KLHL8: variants seen among roughly 807,000 people sequenced by gnomAD.
KLHL8 encodes kelch like family member 8, also known as kelch-like protein 8.
KLHL8 carries 38 observed loss-of-function variants against 63.5 expected under a neutral mutation model. The ratio of observed to expected loss-of-function variants is 0.60; its 90% CI spans 0.46 to 0.78. The LOEUF (loss-of-function observed/expected upper bound fraction) is 0.78, where lower values mean the gene tolerates loss of function less well. Ranked by LOEUF, KLHL8 falls within the 30% of genes least tolerant of loss-of-function variation. The pLI is 0.00. For synonymous variants in KLHL8, 224 were observed against 254.3 expected (o/e 0.88, Z 1.13); for missense variants, 566 against 752.4 (o/e 0.75, Z 2.90).
chr4:87,190,084 GTAT>G (rs1731423681), intron 2 of KLHL8, among the ~76,000 whole-genome samples: 1 of 148,014 alleles, frequency 6.8e-6, no homozygotes, highest in South Asian at 2.2e-4. Flanking sequence ...TTTTATCTTA[GTAT>G]TATTAACCAT....
intron 4 of KLHL8, 82 bp from the exon 5 acceptor site, chr4:87,178,702 CA>C: frequency 7.5e-7 from 1 of 1,330,568 alleles, no homozygotes; most frequent in Non-Finnish European, 1.0e-6. Context: ...TGGATAAAAG[CA>C]AAAAGACAAA....
intron 6 of KLHL8, among the ~76,000 whole-genome samples, chr4:87,174,808 A>C (rs1730763414): frequency 6.6e-6 from 1 of 152,198 alleles, no homozygotes; most frequent in Non-Finnish European, 1.5e-5. Context: ...CATTTGGTGC[A>C]AAATATATGT....
At chr4:87,216,535 GA>G (rs979776223) in intron 1 of KLHL8, among the ~76,000 whole-genome samples, 6 of 151,964 alleles carry the variant, frequency 3.9e-5, no homozygotes, top group African/African-American at 1.2e-4. Context: ...TTTCTCCCCA[GA>G]AAAGTATAAA....
chr4:87,164,559 T>C (rs997794843), intron 8 of KLHL8, among the ~76,000 whole-genome samples: 3 of 152,216 alleles, frequency 2.0e-5, no homozygotes, highest in Admixed American at 1.3e-4. Context: ...AATACTATAA[T>C]CGCCATCATA....
intron 1 of KLHL8, among the ~76,000 whole-genome samples, chr4:87,212,223 G>A (rs993959059): frequency 2.0e-5 from 3 of 152,044 alleles, no homozygotes; most frequent in Non-Finnish European, 4.4e-5. Flanking sequence ...TTTAATTTAC[G>A]TGCCCTCTCA....
chr4:87,201,200 T>C (rs1731905425), intron 1 of KLHL8, among the ~76,000 whole-genome samples: 1 of 152,176 alleles, frequency 6.6e-6, no homozygotes, highest in Non-Finnish European at 1.5e-5. Flanking sequence ...TGGACAACAA[T>C]GTACATATAG....
chr4:87,229,447 G>T (rs1232896726), intron 1 of KLHL8, among the ~76,000 whole-genome samples: 4 of 123,904 alleles, frequency 3.2e-5, no homozygotes, highest in Non-Finnish European at 1.7e-5. Flanking sequence ...GTGGGGGGGG[G>T]TGCAGGGAAC....
rs763285562 is a variant in KLHL8 at position 87,163,659 on chromosome 4, G to GA, written c.1740-18dup. ...AGCTCCCACCTGAAAAGACGGAGAAGAAAAAATGTTACAAAGCATAATTTA... is the reference window on the plus strand; with the variant it reads ...AGCTCCCACCTGAAAAGACGGAGAAGAAAAAAATGTTACAAAGCATAATTTA... On this transcript the variant is annotated splice_polypyrimidine_tract_variant and intron_variant, in intron 9 of 9. Coordinates refer to ENST00000273963, the MANE Select transcript of KLHL8 (RefSeq NM_020803.5). 5.6e-6 allele frequency: 9 copies of GA among 1,609,504 alleles called. No individual in the cohort carries two copies. The highest frequency in any genetic ancestry group is 8.5e-7 in the Non-Finnish European group (1 of 1,178,850).
intron 1 of KLHL8, among the ~76,000 whole-genome samples, chr4:87,214,252 T>C (rs1732505144): frequency 6.6e-6 from 1 of 151,430 alleles, no homozygotes; most frequent in African/African-American, 2.4e-5. Flanking sequence ...AATTGGGTGC[T>C]TCTATCTACT....
chr4:87,231,035 C>T lies in KLHL8; in HGVS notation n.57+9223G>A, dbSNP rs558564676. Among the ~76,000 whole-genome samples the T allele has an allele frequency of 1.7e-4, 26 of 152,220 alleles. 1 individual carries two copies. In the South Asian group the frequency reaches 5.2e-3, roughly 30 times the overall value. On this transcript the variant is annotated intron_variant and non_coding_transcript_variant, in intron 1 of 1. Transcript: ENST00000506274. ...GGATTTTTCTCTCTGTCTGGGTAGC[C>T]CTGGCCAGCACAGCAGGCTAGAAGT...
At chr4:87,220,746 G>A (rs564310072), upstream of KLHL8, 5 of 152,412 alleles carry the variant, frequency 3.3e-5, no homozygotes, top group African/African-American at 1.2e-4. Flanking sequence ...GGGTCTCAGG[G>A]ACTGGGCAGT....
chr4:87,170,343 G>C, intron 7 of KLHL8, 104 bp downstream of exon 7: 1 of 1,417,750 alleles, frequency 7.1e-7, no homozygotes, highest in East Asian at 2.3e-5. Context: ...GAAATAATAT[G>C]ATATATAATA....
chr4:87,177,754 G>T (rs2109977660), intron 5 of KLHL8, among the ~76,000 whole-genome samples: 1 of 152,158 alleles, frequency 6.6e-6, no homozygotes, highest in South Asian at 2.1e-4. Flanking sequence ...CCACAGGCGT[G>T]CACCACTATG....
At chr4:87,183,122 C>T in intron 4 of KLHL8, 81 bp downstream of exon 4, 1 of 958,598 alleles carries the variant, frequency 1.0e-6, no homozygotes, top group Middle Eastern at 2.3e-4. Flanking sequence ...AATTATATTA[C>T]AACTAAGTTT....
intron 1 of KLHL8, among the ~76,000 whole-genome samples, chr4:87,226,779 A>T (rs183695622): frequency 9.1e-4 from 13 of 14,320 alleles, no homozygotes; most frequent in East Asian, 8.6e-3. Context: ...TATATATTAT[A>T]TATATAATAT....
chr4:87,166,437 A>G (rs1241008391), intron 8 of KLHL8, among the ~76,000 whole-genome samples: 1 of 152,252 alleles, frequency 6.6e-6, no homozygotes, highest in East Asian at 1.9e-4. Context: ...TCTATAAAGG[A>G]AGGTATTACT....
At chr4:87,173,261 CTAA>C (rs138916989) in intron 6 of KLHL8, among the ~76,000 whole-genome samples, 1,734 of 152,302 alleles carry the variant, frequency 0.011, 32 homozygotes, top group African/African-American at 0.04. Context: ...TCACCCCATG[CTAA>C]TATTATTGCC....
intron 1 of KLHL8, among the ~76,000 whole-genome samples, chr4:87,205,788 G>C (rs1732104269): frequency 6.6e-6 from 1 of 152,076 alleles, no homozygotes. Flanking sequence ...ATTTTGCCAT[G>C]CCATATTTTG....
intron 2 of KLHL8, among the ~76,000 whole-genome samples, chr4:87,189,788 G>C (rs1168791754): frequency 6.6e-6 from 1 of 151,736 alleles, no homozygotes; most frequent in Non-Finnish European, 1.5e-5. Flanking sequence ...CTTTGGGCGG[G>C]ATCCACCGAG....
Sources: gnomAD v4.1 joint callset for allele counts (sites outside exome capture counted in the v4.1 genomes callset) on GRCh38, gnomAD v4.1.1 for gene constraint, MANE v1.5 for transcripts, NCBI Gene and HGNC (gene_info 2026-07-23, HGNC 2026-07-21) for gene names.